The following BMPR1A variants were observed in gnomAD, a reference collection of about 807,000 sequenced individuals.
The protein encoded by BMPR1A is bone morphogenetic protein receptor type 1A.
BMPR1A carries 7 observed loss-of-function variants against 66.0 expected under a neutral mutation model. The ratio of observed to expected loss-of-function variants is 0.11; its 90% CI spans 0.06 to 0.20. The LOEUF is 0.20. BMPR1A is among the 10% of genes least tolerant of loss of function. The pLI is 1.00. For synonymous variants in BMPR1A, 200 were observed against 229.7 expected, an observed-to-expected ratio of 0.87 and a Z score of 1.17; for missense variants, 408 against 669.1, an observed-to-expected ratio of 0.61 and a Z score of 4.31.
intron 7 of BMPR1A, among the ~76,000 whole-genome samples, chr10:86,908,283 C>T (rs1259582831): frequency 6.6e-6 from 1 of 152,192 alleles, no homozygotes; most frequent in Non-Finnish European, 1.5e-5. Flanking sequence ...GTTCATTTTA[C>T]ATCGTATACA....
At chr10:86,776,943 T>C (rs1002670250) in intron 1 of BMPR1A, among the ~76,000 whole-genome samples, 3 of 152,104 alleles carry the variant, frequency 2.0e-5, no homozygotes, top group Non-Finnish European at 2.9e-5. Context: ...TATAACCCCT[T>C]CCATAATTTC....
At position 86,912,362 on chromosome 10, in the gene BMPR1A, G is replaced by T. The variant is rs752893921; in HGVS notation, c.653G>T (p.Ser218Ile). The change falls in exon 8 of 13, where the codon AGT (serine) becomes ATT (isoleucine). Residue 218 changes from serine to isoleucine, a missense_variant. Physicochemically the swap from Ser to Ile is moderately radical, Grantham distance 142 (BLOSUM62 -2). Transcript: ENST00000372037. ...DLIDQSQSSG[S>I]GSGLPLLVQR... is the part of the protein sequence containing the mutation. ...ATTGACCAGTCACAAAGTTCTGGTA[G>T]TGGGTCTGGACTACCTTTATTGGTA... 6.2e-7 allele frequency: 1 copy of T among 1,614,044 alleles called. No homozygotes were observed. Among genetic ancestry groups the T allele is most frequent in the Non-Finnish European group, 8.5e-7 (1 of 1,179,990 alleles).
chr10:86,870,630 TC>T (rs899222943), intron 2 of BMPR1A, among the ~76,000 whole-genome samples: 19 of 152,102 alleles, frequency 1.2e-4, no homozygotes, highest in Admixed American at 3.3e-4. Context: ...TTGCAGTGTT[TC>T]CCAGGCTGGT....
chr10:86,920,814 A>G (rs1843650645), intron 10 of BMPR1A, among the ~76,000 whole-genome samples: 1 of 150,216 alleles, frequency 6.7e-6, no homozygotes, highest in Non-Finnish European at 1.5e-5. Flanking sequence ...CTTCTCAGAC[A>G]TAATTATCTA....
intron 1 of BMPR1A, among the ~76,000 whole-genome samples, chr10:86,789,482 G>A (rs2132761853): frequency 6.6e-6 from 1 of 152,204 alleles, no homozygotes; most frequent in South Asian, 2.1e-4. Flanking sequence ...GGAGACTGAG[G>A]TGGGCGGATC....
chr10:86,917,036 G>T, intron 8 of BMPR1A, 98 bp from the exon 9 acceptor site: 1 of 1,302,082 alleles, frequency 7.7e-7, no homozygotes, highest in Non-Finnish European at 1.1e-6. Context: ...GGAGTTGGTT[G>T]GGTACACCAT....
At chr10:86,831,316 G>A (rs1010449635) in intron 1 of BMPR1A, among the ~76,000 whole-genome samples, 1 of 151,690 alleles carries the variant, frequency 6.6e-6, no homozygotes, top group Admixed American at 6.6e-5. Flanking sequence ...TTTTTTCTTC[G>A]ATATTTGGGA....
At chr10:86,781,460 A>G (rs1841435948) in intron 1 of BMPR1A, among the ~76,000 whole-genome samples, 1 of 152,088 alleles carries the variant, frequency 6.6e-6, no homozygotes, top group Admixed American at 6.5e-5. Flanking sequence ...CAGGTGTTGT[A>G]TTGTGATACC....
chr10:86,913,201 C>G (rs55919578), intron 8 of BMPR1A, among the ~76,000 whole-genome samples: 1,904 of 152,084 alleles, frequency 0.013, 35 homozygotes, highest in African/African-American at 0.043. Context: ...CTTCGGCTCA[C>G]TGCAACCCCT....
chr10:86,849,506 T>C (rs946849197), intron 2 of BMPR1A, among the ~76,000 whole-genome samples: 2 of 152,236 alleles, frequency 1.3e-5, no homozygotes, highest in African/African-American at 4.8e-5. Context: ...TTACTAGTCA[T>C]TCCATTTTCG....
chr10:86,911,383 A>G (rs1163519411), intron 7 of BMPR1A, among the ~76,000 whole-genome samples: 1 of 152,182 alleles, frequency 6.6e-6, no homozygotes, highest in Non-Finnish European at 1.5e-5. Flanking sequence ...TACAGATTAT[A>G]TAATGAACGC....
At chr10:86,824,081 TTGTGTGTGTGTG>T (rs71477609) in intron 1 of BMPR1A, among the ~76,000 whole-genome samples, 1 of 94,034 alleles carries the variant, frequency 1.1e-5, no homozygotes, top group African/African-American at 2.9e-5. Flanking sequence ...TTACCAAGGG[TTGTGTGTGTGTG>T]TGTGTGTGTG....
chr10:86,756,081 C>G (rs1847853731), upstream of BMPR1A: 1 of 152,388 alleles, frequency 6.6e-6, no homozygotes, highest in African/African-American at 2.4e-5. Context: ...TATTTCACGC[C>G]AGCTGACTGG....
At chr10:86,796,280 T>C (rs1841708573) in intron 1 of BMPR1A, among the ~76,000 whole-genome samples, 1 of 152,136 alleles carries the variant, frequency 6.6e-6, no homozygotes, top group Non-Finnish European at 1.5e-5. Context: ...ATGTGACTGG[T>C]CCCTTTTCTG....
intron 5 of BMPR1A, among the ~76,000 whole-genome samples, chr10:86,892,528 A>T (rs1433263531): frequency 1.3e-5 from 2 of 152,162 alleles, no homozygotes; most frequent in Non-Finnish European, 2.9e-5. Context: ...CTGCAACCTC[A>T]AGCCAGCCTC....
intron 11 of BMPR1A, 62 bp from the exon 12 acceptor site, chr10:86,923,314 C>T: frequency 6.2e-7 from 1 of 1,603,494 alleles, no homozygotes; most frequent in Non-Finnish European, 8.5e-7. Context: ...AAGATGCTTA[C>T]TAGATTGGTA....
chr10:86,800,437 C>G (rs1589722373), intron 1 of BMPR1A, among the ~76,000 whole-genome samples: 1 of 152,196 alleles, frequency 6.6e-6, no homozygotes, highest in Non-Finnish European at 1.5e-5. Flanking sequence ...TCTTGTTGCC[C>G]AGGCTGGAGT....
At chr10:86,857,051 A>G (rs994250304) in intron 2 of BMPR1A, among the ~76,000 whole-genome samples, 28 of 152,304 alleles carry the variant, frequency 1.8e-4, no homozygotes, top group African/African-American at 5.8e-4. Flanking sequence ...ATGCTCACCA[A>G]TGAGGAAGCC....
At chr10:86,804,301 C>G (rs960942449) in intron 1 of BMPR1A, among the ~76,000 whole-genome samples, 1 of 152,124 alleles carries the variant, frequency 6.6e-6, no homozygotes. Flanking sequence ...AGTGCAGTGG[C>G]GCGATCCTGG....
Sources: allele counts gnomAD v4.1 joint callset (sites outside exome capture counted in the v4.1 genomes callset), GRCh38; gene constraint gnomAD v4.1.1; transcripts MANE v1.5; gene names NCBI Gene and HGNC (gene_info 2026-07-23, HGNC 2026-07-21).